The following ACVR1B variants were observed in gnomAD, a reference collection of about 807,000 sequenced individuals.
The protein encoded by ACVR1B is activin A receptor type 1B, also known as activin receptor type-1B.
In ACVR1B, 15 loss-of-function variants were observed where a neutral mutation model predicts 55.6. The ratio of observed to expected loss-of-function variants is 0.27; its 90% CI spans 0.18 to 0.42. The LOEUF is 0.42. Among genes scored for constraint, ACVR1B ranks in the 10% least tolerant of loss-of-function variants. ACVR1B has a pLI of 1.00. For missense variants in ACVR1B, 359 were observed against 670.1 expected, an observed-to-expected ratio of 0.54 and a Z score of 5.13; for synonymous variants, 247 against 254.6, an observed-to-expected ratio of 0.97 and a Z score of 0.28.
At chr12:51,984,334 C>T (rs1942038795) in intron 5 of ACVR1B, among the ~76,000 whole-genome samples, 168 bp downstream of exon 5, 1 of 152,198 alleles carries the variant, frequency 6.6e-6, no homozygotes, top group South Asian at 2.1e-4. Flanking sequence ...AGTGAGGTAT[C>T]TACAGGGTGT....
intron 8 of ACVR1B, among the ~76,000 whole-genome samples, chr12:51,993,367 C>T (rs1009638953): frequency 6.6e-6 from 1 of 152,194 alleles, no homozygotes; most frequent in South Asian, 2.1e-4. Flanking sequence ...TCACCGCACT[C>T]CTTGGAACCC....
intron 2 of ACVR1B, among the ~76,000 whole-genome samples, chr12:51,975,967 T>C (rs577196069): frequency 6.6e-6 from 1 of 152,276 alleles, no homozygotes; most frequent in South Asian, 2.1e-4. Context: ...GAGGCATTAC[T>C]GTGGAGCCCA....
At chr12:51,973,674 C>G (rs955045363) in intron 1 of ACVR1B, among the ~76,000 whole-genome samples, 2 of 152,168 alleles carry the variant, frequency 1.3e-5, no homozygotes, top group Non-Finnish European at 2.9e-5. Flanking sequence ...TAATAGGCAC[C>G]TACTTTAAAT....
intron 1 of ACVR1B, among the ~76,000 whole-genome samples, chr12:51,960,695 A>T (rs1565610141): frequency 6.6e-6 from 1 of 152,192 alleles, no homozygotes; most frequent in Non-Finnish European, 1.5e-5. Flanking sequence ...AGTCCAAAAC[A>T]TGTGCTCTAA....
intron 4 of ACVR1B, among the ~76,000 whole-genome samples, chr12:51,983,633 A>C (rs1055307010): frequency 2.6e-5 from 4 of 152,256 alleles, no homozygotes; most frequent in Admixed American, 1.3e-4. Context: ...AGTCTTGGTC[A>C]GGATCAAAGC....
At chr12:51,967,521 T>A (rs1941666216) in intron 1 of ACVR1B, among the ~76,000 whole-genome samples, 1 of 152,170 alleles carries the variant, frequency 6.6e-6, no homozygotes, top group African/African-American at 2.4e-5. Context: ...ATCGTGCCAT[T>A]GTACTCCAGC....
At chr12:51,992,064 A>G (rs767876576) in intron 8 of ACVR1B, 71 bp downstream of exon 8, 16 of 1,605,350 alleles carry the variant, frequency 1.0e-5, no homozygotes, top group African/African-American at 4.0e-5. Context: ...TTTCTTGACA[A>G]TGGGGTCAGG....
At chr12:51,992,837 G>GGA (rs1592264070) in intron 8 of ACVR1B, among the ~76,000 whole-genome samples, 1 of 152,204 alleles carries the variant, frequency 6.6e-6, no homozygotes, top group East Asian at 1.9e-4. Flanking sequence ...AACATTTGGT[G>GGA]GAAAGAGTTG....
chr12:51,963,025 G>GA (rs948672468), intron 1 of ACVR1B, among the ~76,000 whole-genome samples: 19 of 152,184 alleles, frequency 1.2e-4, no homozygotes, highest in African/African-American at 4.3e-4. Context: ...AAGATAGTTT[G>GA]AAAAACACTG....
At chr12:51,991,476 A>ATGGGTTCAAGCTATT (rs1406526539) in intron 7 of ACVR1B, among the ~76,000 whole-genome samples, 4 of 152,236 alleles carry the variant, frequency 2.6e-5, no homozygotes. Flanking sequence ...ATCTCTGCTC[A>ATGGGTTCAAGCTATT]CTGCAACCTC....
At chr12:51,971,206 C>T (rs977952522) in intron 1 of ACVR1B, among the ~76,000 whole-genome samples, 3 of 152,218 alleles carry the variant, frequency 2.0e-5, no homozygotes, top group Non-Finnish European at 4.4e-5. Context: ...GTCAGCCTTA[C>T]TCAAAACACA....
chr12:51,964,212 CT>C (rs1211378144), intron 1 of ACVR1B, among the ~76,000 whole-genome samples: 4 of 152,148 alleles, frequency 2.6e-5, no homozygotes, highest in Non-Finnish European at 5.9e-5. Flanking sequence ...GTATTCTTAG[CT>C]CATCGCAGCC....
chr12:51,972,328 G>A (rs950292205), intron 1 of ACVR1B, among the ~76,000 whole-genome samples: 2 of 152,206 alleles, frequency 1.3e-5, no homozygotes, highest in African/African-American at 4.8e-5. Context: ...TTTGGTCAGT[G>A]AGGGACCACA....
At position 51,962,782 on chromosome 12, in the gene ACVR1B, A is replaced by G. The variant is rs180854415; in HGVS notation, c.91+10948A>G. Reference sequence around the variant, plus strand: ...TTTTAAGACAGTGGAACTCTTAAAAATGAAAATGTAGAAATGTATATAAAG... The same window carrying G: ...TTTTAAGACAGTGGAACTCTTAAAAGTGAAAATGTAGAAATGTATATAAAG... On this transcript the variant is annotated intron_variant, in intron 1 of 8. Coordinates refer to ENST00000257963, the MANE Select transcript of ACVR1B (RefSeq NM_004302.5). 3.1e-3 allele frequency among the ~76,000 whole-genome samples: 475 copies of G among 152,376 alleles called. 5 individuals carry two copies. Among genetic ancestry groups the G allele is most frequent in the South Asian group, 0.026 (128 of 4,832 alleles).
At chr12:51,985,417 A>T in intron 6 of ACVR1B, 69 bp downstream of exon 6, 6 of 1,514,846 alleles carry the variant, frequency 4.0e-6, no homozygotes, top group Non-Finnish European at 5.3e-6. Flanking sequence ...GCCGTTTCCC[A>T]TATGCGCAGG....
chr12:51,985,444 A>G, intron 6 of ACVR1B, 96 bp downstream of exon 6: 1 of 1,429,206 alleles, frequency 7.0e-7, no homozygotes, highest in Non-Finnish European at 9.4e-7. Context: ...AGGTGTTGAA[A>G]AAGGAGGCGA....
At chr12:51,987,293 C>G (rs1942099054) in intron 7 of ACVR1B, 2 of 583,804 alleles carry the variant, frequency 3.4e-6, no homozygotes, top group Admixed American at 3.4e-5. Flanking sequence ...GCAGTATATT[C>G]TAACGCGGTG....
At chr12:51,953,286 C>T (rs953833962) in intron 1 of ACVR1B, 1 of 950,244 alleles carries the variant, frequency 1.1e-6, no homozygotes, top group African/African-American at 1.8e-5. Flanking sequence ...GACACCATGC[C>T]ACTTTGGAAT....
intron 2 of ACVR1B, among the ~76,000 whole-genome samples, chr12:51,975,978 C>T (rs774556827): frequency 3.3e-5 from 5 of 152,162 alleles, no homozygotes; most frequent in African/African-American, 1.2e-4. Flanking sequence ...GTGGAGCCCA[C>T]AGGAAAAGGA....
Sources: gnomAD v4.1 joint callset for allele counts (sites outside exome capture counted in the v4.1 genomes callset) on GRCh38, gnomAD v4.1.1 for gene constraint, MANE v1.5 for transcripts, NCBI Gene and HGNC (gene_info 2026-07-23, HGNC 2026-07-21) for gene names.